The following UPRT variants were observed in gnomAD, a reference collection of about 807,000 sequenced individuals.
The protein encoded by UPRT is RP11-311P8.3.
Under a neutral mutation model 22.6 loss-of-function variants are expected in UPRT, and 5 were observed. The observed-to-expected ratio is 0.22, with a 90% CI of 0.12 to 0.47. The LOEUF (loss-of-function observed/expected upper bound fraction) is 0.47, where lower values mean the gene tolerates loss of function less well. Ranked by LOEUF, UPRT falls within the 20% of genes least tolerant of loss-of-function variation. UPRT has a pLI of 0.99. For missense variants in UPRT, 181 were observed against 239.9 expected (o/e 0.75, Z 1.62); for synonymous variants, 77 against 87.7 (o/e 0.88, Z 0.68).
chrX:75,261,912 C>G (rs1569277136), intron 4 of UPRT, among the ~76,000 whole-genome samples: 2 of 111,058 alleles, frequency 1.8e-5, no homozygotes, highest in South Asian at 7.6e-4. Flanking sequence ...CAGAACCATT[C>G]AAATTCAGGA....
chrX:75,269,475 G>A (rs1027761431), upstream of UPRT, among the ~76,000 whole-genome samples: 3 of 111,322 alleles, frequency 2.7e-5, no homozygotes, highest in Non-Finnish European at 5.7e-5. Context: ...GAACAATACT[G>A]GAGACATCAT....
chrX:75,253,376 G>T (rs2082538632), intron 4 of UPRT, among the ~76,000 whole-genome samples: 1 of 111,974 alleles, frequency 8.9e-6, no homozygotes, highest in African/African-American at 3.2e-5. Flanking sequence ...TCTCCAACAA[G>T]TAAGAATGGC....
At chrX:75,189,142 C>G (rs1189783606) in intron 4 of UPRT, among the ~76,000 whole-genome samples, 1 of 112,323 alleles carries the variant, frequency 8.9e-6, no homozygotes, top group Non-Finnish European at 1.9e-5. Flanking sequence ...TCCCTCTACA[C>G]ATTGCTTTAA....
chrX:75,194,292 GC>G (rs1177733746), intron 4 of UPRT, among the ~76,000 whole-genome samples: 4 of 111,613 alleles, frequency 3.6e-5, no homozygotes, highest in Admixed American at 1.9e-4. Context: ...CATGCCCCTG[GC>G]TTTTTTCTCT....
intron 4 of UPRT, among the ~76,000 whole-genome samples, chrX:75,180,327 C>T (rs2082264838): frequency 8.9e-6 from 1 of 111,954 alleles, no homozygotes; most frequent in African/African-American, 3.3e-5. Context: ...CTTCTACTAC[C>T]CCTGTGTTTT....
intron 4 of UPRT, among the ~76,000 whole-genome samples, chrX:75,257,961 C>T (rs903533542): frequency 6.3e-5 from 7 of 110,661 alleles, no homozygotes; most frequent in Admixed American, 1.9e-4. Flanking sequence ...GGTGAGGCGT[C>T]ACCTCACCCA....
intron 4 of UPRT, among the ~76,000 whole-genome samples, chrX:75,254,220 A>G (rs1419990676): frequency 8.9e-6 from 1 of 111,829 alleles, no homozygotes; most frequent in Non-Finnish European, 1.9e-5. Context: ...TCAGGAGGTT[A>G]GTTATTAACC....
At chrX:75,198,786 G>GA (rs2082339782) in intron 4 of UPRT, among the ~76,000 whole-genome samples, 1 of 111,408 alleles carries the variant, frequency 9.0e-6, no homozygotes, top group African/African-American at 3.3e-5. Context: ...GTGTAGGAAA[G>GA]ACAGTCTGGA....
At chrX:75,231,074 C>G (rs2082437096) in intron 4 of UPRT, among the ~76,000 whole-genome samples, 1 of 111,643 alleles carries the variant, frequency 9.0e-6, no homozygotes, top group Non-Finnish European at 1.9e-5. Context: ...CACACTAGCT[C>G]TCCAGCAGTG....
chrX:75,208,929 A>G (rs2082373371), intron 4 of UPRT, among the ~76,000 whole-genome samples: 1 of 111,774 alleles, frequency 8.9e-6, no homozygotes, highest in Non-Finnish European at 1.9e-5. Context: ...AGGAGAGGGA[A>G]GCATCTGGGC....
chrX:75,183,870 G>A (rs1055277784), intron 4 of UPRT, among the ~76,000 whole-genome samples: 1 of 112,106 alleles, frequency 8.9e-6, no homozygotes, highest in Admixed American at 9.4e-5. Context: ...TGATGGGGTT[G>A]TTTGTTTTTT....
intron 4 of UPRT, among the ~76,000 whole-genome samples, chrX:75,253,359 G>A (rs1013039250): frequency 8.9e-6 from 1 of 112,078 alleles, no homozygotes; most frequent in African/African-American, 3.2e-5. Flanking sequence ...ACCACAATGA[G>A]ATAGCATCTC....
chrX:75,258,507 G>A (rs746428766), intron 4 of UPRT, among the ~76,000 whole-genome samples: 7 of 111,461 alleles, frequency 6.3e-5, no homozygotes, highest in Non-Finnish European at 1.1e-4. Flanking sequence ...AAGCCACGAG[G>A]AAGTTCAAAC....
chrX:75,258,250 G>A (rs931693213), intron 4 of UPRT, among the ~76,000 whole-genome samples: 7 of 93,341 alleles, frequency 7.5e-5, no homozygotes, highest in South Asian at 6.0e-4. Flanking sequence ...CGCCAGTAGC[G>A]CATGGAACAC....
chrX:75,179,095 G>A (rs187359226), intron 4 of UPRT, among the ~76,000 whole-genome samples: 5 of 111,884 alleles, frequency 4.5e-5, no homozygotes, highest in African/African-American at 6.5e-5. Flanking sequence ...CCAGAGTGTC[G>A]ATTGGTGCAT....
At chrX:75,228,142 G>T (rs746686314) in intron 4 of UPRT, among the ~76,000 whole-genome samples, 2 of 111,518 alleles carry the variant, frequency 1.8e-5, no homozygotes, top group East Asian at 5.6e-4. Flanking sequence ...AGAAGAGAGA[G>T]AAATTGCAAC....
chrX:75,167,671 G>A (rs2082216404), intron 3 of UPRT, among the ~76,000 whole-genome samples: 1 of 111,331 alleles, frequency 9.0e-6, no homozygotes, highest in Admixed American at 9.5e-5. Flanking sequence ...TATGCTTGTT[G>A]GCCACGTGTA....
At chrX:75,185,298 G>C (rs755375673) in intron 4 of UPRT, among the ~76,000 whole-genome samples, 3 of 111,810 alleles carry the variant, frequency 2.7e-5, no homozygotes, top group Non-Finnish European at 5.6e-5. Flanking sequence ...TTTGTCTTGG[G>C]TTCTGTGTAT....
At chrX:75,214,986 C>CAG (rs1293623039) in intron 4 of UPRT, among the ~76,000 whole-genome samples, 8,318 of 106,842 alleles carry the variant, frequency 0.078, 1,502 homozygotes, top group African/African-American at 0.2. Context: ...CACACACACA[C>CAG]ACACACACAC....
Sources: gnomAD v4.1 joint callset for allele counts (sites outside exome capture counted in the v4.1 genomes callset) on GRCh38, gnomAD v4.1.1 for gene constraint, MANE v1.5 for transcripts, NCBI Gene and HGNC (gene_info 2026-07-23, HGNC 2026-07-21) for gene names.